Variants in HYKK observed in about 807,000 individuals in gnomAD.
HYKK encodes 5-hydroxy-L-lysine kinase.
A neutral mutation model predicts 29.7 loss-of-function variants in HYKK; 19 were observed. That is an observed-to-expected ratio of 0.64 (90% CI 0.45 to 0.94). HYKK has a LOEUF of 0.94. Ranked by LOEUF, HYKK falls within the 40% of genes least tolerant of loss-of-function variation. HYKK has a pLI of 0.00. For missense variants in HYKK, 390 were observed against 443.4 expected (o/e 0.88, Z 1.08); for synonymous variants, 152 against 158.1 (o/e 0.96, Z 0.29).
At chr15:78,521,502 T>C (rs1471411595) in intron 3 of HYKK, among the ~76,000 whole-genome samples, 1 of 151,838 alleles carries the variant, frequency 6.6e-6, no homozygotes, top group East Asian at 2.0e-4. Flanking sequence ...CAATTACTTT[T>C]GCACCAACCT....
chr15:78,526,149 C>T (rs541506701), intron 3 of HYKK, among the ~76,000 whole-genome samples: 1 of 152,288 alleles, frequency 6.6e-6, no homozygotes, highest in South Asian at 2.1e-4. Flanking sequence ...AGTCTAAAGG[C>T]CCTTCCAATT....
intron 3 of HYKK, 126 bp from the exon 4 acceptor site, chr15:78,527,253 TC>T: frequency 1.3e-6 from 1 of 756,396 alleles, no homozygotes. Context: ...GCCACTGCAC[TC>T]CTGCCTGGGC....
In HYKK at chr15:78,520,727, A is replaced by C. The variant is rs370283862; in HGVS notation, c.477+5620A>C. Among the ~76,000 whole-genome samples the C allele has an allele frequency of 8.5e-4, 129 of 152,242 alleles. No individual in the cohort carries two copies. In the East Asian group the frequency reaches 0.02, roughly 24 times the overall value. On this transcript the variant is annotated intron_variant, in intron 3 of 4. Transcript: ENST00000388988. ...ATTCCACAAAACCGCCATTGTCATC[A>C]TGGCCCGTTCTCAATGAGCTGTTGG...
At chr15:78,532,078 A>G (rs915343691) in intron 4 of HYKK, among the ~76,000 whole-genome samples, 2 of 152,162 alleles carry the variant, frequency 1.3e-5, no homozygotes, top group African/African-American at 4.8e-5. Flanking sequence ...GGACACTTAC[A>G]TCTCTTACTA....
intron 2 of HYKK, 26 bp from the exon 3 acceptor site, chr15:78,514,942 A>C: frequency 8.2e-7 from 1 of 1,220,946 alleles, no homozygotes; most frequent in South Asian, 2.0e-5. Flanking sequence ...AATTTAGTCA[A>C]AGGATATTTT....
rs142055387 is a variant in HYKK at position 78,525,024 on chromosome 15, T to G, written c.478-2356T>G. 2.3e-4 allele frequency among the ~76,000 whole-genome samples: 35 copies of G among 152,230 alleles called. No homozygotes were observed. The East Asian group carries it at 3.9e-3, about 17-fold the overall frequency. On this transcript the variant is annotated intron_variant, in intron 3 of 4. Transcript: ENST00000388988. ...AGATCCAAAACATATCAAGAAGTAT[T>G]CAAACAGGCTACGTGACTATTTAGC...
intron 4 of HYKK, chr15:78,528,258 C>T: frequency 1.1e-5 from 2 of 180,954 alleles, no homozygotes; most frequent in Non-Finnish European, 2.1e-5. Flanking sequence ...GTGAACTGCG[C>T]ATGCAAGGGA....
At chr15:78,537,222 TC>T, downstream of HYKK, 1 of 510,974 alleles carries the variant, frequency 2.0e-6, no homozygotes. Context: ...TATCCATCCT[TC>T]CATCCCATTG....
chr15:78,514,820 T>C, intron 2 of HYKK, 148 bp from the exon 3 acceptor site: 1 of 318,672 alleles, frequency 3.1e-6, no homozygotes, highest in Non-Finnish European at 5.4e-6. Context: ...GTTGTTGTTC[T>C]GTAATTTCTG....
intron 3 of HYKK, among the ~76,000 whole-genome samples, chr15:78,519,181 T>C (rs1168069718): frequency 6.6e-6 from 1 of 152,218 alleles, no homozygotes; most frequent in Non-Finnish European, 1.5e-5. Flanking sequence ...GCTCAGCATA[T>C]GTTTATAAAC....
At chr15:78,523,438 C>T (rs1334490336) in intron 3 of HYKK, among the ~76,000 whole-genome samples, 2 of 152,172 alleles carry the variant, frequency 1.3e-5, no homozygotes, top group Non-Finnish European at 2.9e-5. Context: ...ATCCAATCAC[C>T]TCCTACCAGG....
intron 3 of HYKK, among the ~76,000 whole-genome samples, chr15:78,519,240 T>C (rs2052166941): frequency 6.6e-6 from 1 of 152,322 alleles, no homozygotes; most frequent in Non-Finnish European, 1.5e-5. Flanking sequence ...TATATTGCAC[T>C]CTATCCGTTT....
At chr15:78,527,347 C>A in intron 3 of HYKK, 33 bp from the exon 4 acceptor site, 1 of 1,587,538 alleles carries the variant, frequency 6.3e-7, no homozygotes, top group South Asian at 1.1e-5. Flanking sequence ...GTTGCTCTGT[C>A]AAGAGACTAA....
At chr15:78,528,401 C>T in intron 4 of HYKK, 1 of 985,088 alleles carries the variant, frequency 1.0e-6, no homozygotes, top group Non-Finnish European at 1.2e-6. Context: ...AGGTTGGGAA[C>T]TACTGCTCTA....
intron 4 of HYKK, 35 bp downstream of exon 4, chr15:78,527,598 A>G (rs1348533634): frequency 6.2e-7 from 1 of 1,607,680 alleles, no homozygotes; most frequent in Non-Finnish European, 8.5e-7. Context: ...TTTTCTTGAT[A>G]TTTAAACTGT....
intron 3 of HYKK, among the ~76,000 whole-genome samples, chr15:78,522,623 T>C (rs532746207): frequency 6.9e-6 from 1 of 144,472 alleles, no homozygotes; most frequent in African/African-American, 2.6e-5. Flanking sequence ...ACGCCTGTAA[T>C]CTCAGCACTT....
chr15:78,529,022 C>T (rs1385768553), intron 4 of HYKK, among the ~76,000 whole-genome samples: 1 of 152,140 alleles, frequency 6.6e-6, no homozygotes, highest in Non-Finnish European at 1.5e-5. Context: ...AAAAAGTTAG[C>T]AGTCATAGGC....
intron 1 of HYKK, among the ~76,000 whole-genome samples, chr15:78,509,187 C>T (rs903234544): frequency 6.6e-6 from 1 of 152,016 alleles, no homozygotes; most frequent in Admixed American, 6.5e-5. Flanking sequence ...TGATATGGAG[C>T]GCTTATATAA....
chr15:78,526,398 G>T (rs1322139504), intron 3 of HYKK, among the ~76,000 whole-genome samples: 2 of 152,194 alleles, frequency 1.3e-5, no homozygotes, highest in African/African-American at 4.8e-5. Flanking sequence ...AGAGACGACA[G>T]GTACAAAATA....
Sources: gnomAD v4.1 joint callset for allele counts (sites outside exome capture counted in the v4.1 genomes callset) on GRCh38, gnomAD v4.1.1 for gene constraint, MANE v1.5 for transcripts, NCBI Gene and HGNC (gene_info 2026-07-23, HGNC 2026-07-21) for gene names.